The following ANLN variants were observed in gnomAD, a reference collection of about 807,000 sequenced individuals.
The protein encoded by ANLN is anillin, actin binding protein, also known as anillin.
ANLN carries 59 observed loss-of-function variants against 135.1 expected under a neutral mutation model. The ratio of observed to expected loss-of-function variants is 0.44; its 90% CI spans 0.35 to 0.54. The LOEUF is 0.54. Among genes scored for constraint, ANLN ranks in the 20% least tolerant of loss-of-function variants. The probability of loss-of-function intolerance (pLI) is 0.00; values close to 1 mark genes in which losing one functional copy is unlikely to be tolerated. For synonymous variants in ANLN, 406 were observed against 456.4 expected (o/e 0.89, Z 1.41); for missense variants, 1,182 against 1,340.0 (o/e 0.88, Z 1.84).
chr7:36,397,153 T>A (rs534248153), intron 2 of ANLN, among the ~76,000 whole-genome samples: 55 of 88,810 alleles, frequency 6.2e-4, no homozygotes, highest in African/African-American at 1.4e-3. Flanking sequence ...CAATGTTTTT[T>A]TAAAAAAAAA....
chr7:36,419,202 A>G, intron 9 of ANLN, 42 bp from the exon 10 acceptor site: 6 of 1,421,780 alleles, frequency 4.2e-6, no homozygotes, highest in Non-Finnish European at 5.9e-6. Context: ...TTAATTCTTA[A>G]ATATCTGAGT....
chr7:36,398,930 T>G (rs1272762101), intron 2 of ANLN, 149 bp from the exon 3 acceptor site: 1 of 613,024 alleles, frequency 1.6e-6, no homozygotes, highest in Non-Finnish European at 2.9e-6. Context: ...TGAAAGAGAA[T>G]GGGGTTTTAC....
chr7:36,391,108 A>C (rs1467261450), intron 1 of ANLN, among the ~76,000 whole-genome samples: 2 of 152,244 alleles, frequency 1.3e-5, no homozygotes, highest in Non-Finnish European at 2.9e-5. Context: ...AGCATGACAT[A>C]ATCTATTTTT....
rs1382326710 is a variant in ANLN, at chr7:36,449,753, T to C, written c.3167T>C (p.Phe1056Ser). The C allele has an allele frequency of 6.2e-7, 1 of 1,614,046 alleles. No homozygotes were observed. Among genetic ancestry groups the C allele is most frequent in the Non-Finnish European group, 8.5e-7 (1 of 1,180,012 alleles). ...NREFCARRNT[F>S]ELITVRPQRE... Reference sequence around the variant, plus strand: ...GAATTTTGTGCAAGACGCAACACTTTTGAATTAATTACTGTCCGACCACAA... The same window carrying C: ...GAATTTTGTGCAAGACGCAACACTTCTGAATTAATTACTGTCCGACCACAA... Residue 1056 changes from phenylalanine to serine, a missense_variant, in exon 23 of 24, where the codon TTT becomes TCT. Physicochemically the swap from Phe to Ser is radical, Grantham distance 155 (BLOSUM62 -2). Around this residue, in one of 3 missense-constraint regions of ANLN, gnomAD observed 82 missense variants for 133.3 expected, o/e 0.62. Coordinates refer to ENST00000265748, the MANE Select transcript of ANLN (RefSeq NM_018685.5).
At chr7:36,401,677 CAATT>C (rs1336976940) in intron 3 of ANLN, among the ~76,000 whole-genome samples, 1 of 120,122 alleles carries the variant, frequency 8.3e-6, no homozygotes, top group Non-Finnish European at 1.8e-5. Context: ...TCTATGGTGT[CAATT>C]AATACCTATT....
intron 22 of ANLN, among the ~76,000 whole-genome samples, chr7:36,447,003 C>T (rs941671746): frequency 4.6e-5 from 7 of 152,086 alleles, no homozygotes; most frequent in African/African-American, 1.4e-4. Flanking sequence ...GTTCCAAGAC[C>T]GCCAGTGAAT....
chr7:36,428,926 A>G (rs951187106), intron 20 of ANLN, among the ~76,000 whole-genome samples: 1 of 151,544 alleles, frequency 6.6e-6, no homozygotes, highest in Admixed American at 6.6e-5. Flanking sequence ...CTACAGGTGC[A>G]TGCAACCACA....
At chr7:36,418,877 C>A (rs981773949) in intron 9 of ANLN, among the ~76,000 whole-genome samples, 2 of 152,054 alleles carry the variant, frequency 1.3e-5, no homozygotes, top group Non-Finnish European at 2.9e-5. Context: ...CCTCAGCCTC[C>A]TGAGTAGCTG....
intron 13 of ANLN, 99 bp downstream of exon 13, chr7:36,422,091 C>T: frequency 7.4e-7 from 1 of 1,355,204 alleles, no homozygotes; most frequent in Non-Finnish European, 1.0e-6. Flanking sequence ...AGGGCTTTTC[C>T]TAGTCATCTG....
At chr7:36,414,959 G>A (rs1306094606) in intron 7 of ANLN, among the ~76,000 whole-genome samples, 1 of 152,194 alleles carries the variant, frequency 6.6e-6, no homozygotes, top group Admixed American at 6.5e-5. Flanking sequence ...AAGATTAGGT[G>A]AGGCAATAGA....
intron 12 of ANLN, among the ~76,000 whole-genome samples, chr7:36,421,436 TCA>T (rs1787873091): frequency 1.3e-5 from 2 of 152,054 alleles, no homozygotes; most frequent in South Asian, 2.1e-4. Flanking sequence ...TAGGCTGATC[TCA>T]CACTCCTGGG....
At chr7:36,450,470 C>G (rs990227010) in intron 23 of ANLN, among the ~76,000 whole-genome samples, 2 of 152,096 alleles carry the variant, frequency 1.3e-5, no homozygotes, top group African/African-American at 4.8e-5. Context: ...TAGGCTGTTG[C>G]TGGATATTGC....
chr7:36,408,726 C>T (rs1026156187), intron 5 of ANLN, among the ~76,000 whole-genome samples: 2 of 152,102 alleles, frequency 1.3e-5, no homozygotes, highest in Non-Finnish European at 2.9e-5. Flanking sequence ...CTTCATCCCC[C>T]AGTTATATTT....
At chr7:36,411,779 A>C (rs897112425) in intron 7 of ANLN, among the ~76,000 whole-genome samples, 1 of 152,210 alleles carries the variant, frequency 6.6e-6, no homozygotes, top group Admixed American at 6.5e-5. Flanking sequence ...GATCTACTTG[A>C]TTGATTTGTT....
rs147584607 is a variant in ANLN at position 36,419,458 on chromosome 7, A to G, written c.1848A>G (p.Thr616=). The change falls in exon 10 of 24, where the codon ACA becomes ACG. Residue 616 remains threonine, a synonymous_variant. Transcript: ENST00000265748. ...SMSLLAPLAQ[T]VGVVSPESLV... ...CTTTACTTGCACCATTGGCACAAAC[A>G]GTTGGTGTGGTAAGTCCAGAGGTAA... 748 of 1,613,784 alleles carry G rather than the reference A, an allele frequency of 4.6e-4. 3 individuals are homozygous for G. The East Asian group carries it at 7.5e-3, about 16-fold the overall frequency.
chr7:36,446,739 C>T (rs1789017152), intron 22 of ANLN, among the ~76,000 whole-genome samples: 1 of 152,176 alleles, frequency 6.6e-6, no homozygotes. Flanking sequence ...GATTACAATT[C>T]AACATGAGAT....
chr7:36,426,798 G>A, intron 19 of ANLN, 118 bp from the exon 20 acceptor site: 1 of 498,774 alleles, frequency 2.0e-6, no homozygotes, highest in Non-Finnish European at 3.5e-6. Flanking sequence ...GGAAAATGAG[G>A]CAGTTTTTTT....
At chr7:36,446,926 C>T (rs143069276) in intron 22 of ANLN, among the ~76,000 whole-genome samples, 315 of 152,284 alleles carry the variant, frequency 2.1e-3, no homozygotes, top group African/African-American at 6.7e-3. Context: ...ATCTTAATGT[C>T]TGCTAAGGCC....
intron 21 of ANLN, among the ~76,000 whole-genome samples, chr7:36,441,230 A>G (rs1788757665): frequency 6.6e-6 from 1 of 152,186 alleles, no homozygotes; most frequent in Admixed American, 6.5e-5. Flanking sequence ...TTTGCATATA[A>G]CGTCTCACCT....
Sources: allele counts gnomAD v4.1 joint callset (sites outside exome capture counted in the v4.1 genomes callset), GRCh38; gene constraint gnomAD v4.1.1; regional missense constraint gnomAD v4.1.1; transcripts MANE v1.5; gene names NCBI Gene and HGNC (gene_info 2026-07-23, HGNC 2026-07-21).